CYRIB: variants seen among roughly 807,000 people sequenced by gnomAD.
The protein encoded by CYRIB is CYFIP-related Rac1 interactor B.
A neutral mutation model predicts 44.2 loss-of-function variants in CYRIB; 8 were observed. The ratio of observed to expected loss-of-function variants is 0.18; its 90% confidence interval spans 0.11 to 0.33. The LOEUF (loss-of-function observed/expected upper bound fraction) is 0.33. Among genes scored for constraint, CYRIB ranks in the 10% least tolerant of loss-of-function variants. CYRIB has a pLI of 1.00. For missense variants in CYRIB, 185 were observed against 382.8 expected, an observed-to-expected ratio of 0.48 and a Z score of 4.31; for synonymous variants, 131 against 127.2, an observed-to-expected ratio of 1.03 and a Z score of -0.20.
intron 1 of CYRIB, among the ~76,000 whole-genome samples, chr8:130,001,833 T>C (rs575123342): frequency 9.3e-4 from 141 of 152,300 alleles, no homozygotes; most frequent in African/African-American, 3.2e-3. Flanking sequence ...TGGATGTCTC[T>C]AGATTCCTTA....
exon 6 of CYRIB, chr8:129,855,733 C>T: frequency 6.2e-7 from 1 of 1,604,242 alleles, no homozygotes; most frequent in South Asian, 1.1e-5. Flanking sequence ...CCCAGAAGAC[C>T]TCTTAATGCT....
chr8:129,962,993 G>A (rs1001667578), intron 2 of CYRIB, among the ~76,000 whole-genome samples: 1 of 152,106 alleles, frequency 6.6e-6, no homozygotes, highest in African/African-American at 2.4e-5. Context: ...TCAGAGCGTC[G>A]CATTTGCCTG....
chr8:129,863,524 TA>T lies in CYRIB; in HGVS notation c.196-1191del, dbSNP rs768283158. On this transcript the variant is annotated intron_variant, in intron 4 of 11. Coordinates refer to ENST00000519824, the Ensembl canonical transcript of CYRIB. Reference sequence around the variant, plus strand: ...TGGGTGATAGAGCGAGACTCTGTCTTAAAAAAAAAAAAAAGAAAATACAAAA... The same window carrying T: ...TGGGTGATAGAGCGAGACTCTGTCTTAAAAAAAAAAAAAGAAAATACAAAA... Among the ~76,000 whole-genome samples, 628 of 137,550 alleles carry T rather than the reference TA, an allele frequency of 4.6e-3. 2 individuals carry two copies. Among genetic ancestry groups the T allele is most frequent in the African/African-American group, 7.9e-3 (299 of 37,656 alleles). 90.2% of individuals were successfully genotyped at this position (137,550 alleles called of 152,430 possible). A position where few individuals can be genotyped will look rare whatever the true frequency, so the allele number is the denominator to read the frequency against.
chr8:129,898,239 C>T lies in CYRIB; in HGVS notation c.-11+5073G>A, dbSNP rs149792853. On this transcript the variant is annotated intron_variant, in intron 2 of 11. Transcript: ENST00000519824. ...CAGAGGGCTTTGCATGACGTTAGTG[C>T]TAATGTTAAGTTAATAAATGAACGT... Among the ~76,000 whole-genome samples, 343 of 152,002 alleles carry T rather than the reference C, an allele frequency of 2.3e-3. 8 individuals carry two copies. Among genetic ancestry groups the T allele is most frequent in the Admixed American group, 0.021 (321 of 15,254 alleles).
At chr8:130,010,404 G>C (rs2097190506) in intron 1 of CYRIB, among the ~76,000 whole-genome samples, 1 of 152,198 alleles carries the variant, frequency 6.6e-6, no homozygotes, top group Non-Finnish European at 1.5e-5. Flanking sequence ...TGTGCCTCTT[G>C]GTCAAGATGC....
chr8:129,896,542 A>T (rs142119206), intron 2 of CYRIB: 1 of 152,206 alleles, frequency 6.6e-6, no homozygotes. Context: ...TGAGAGTTCA[A>T]ATCCTTAAAA....
At chr8:129,857,790 C>CT (rs1473687556) in intron 5 of CYRIB, among the ~76,000 whole-genome samples, 1 of 152,100 alleles carries the variant, frequency 6.6e-6, no homozygotes, top group Non-Finnish European at 1.5e-5. Flanking sequence ...AACTGGAAAA[C>CT]TAAGTAAGAG....
chr8:129,930,365 TTATATA>T (rs1554659983), intron 1 of CYRIB, among the ~76,000 whole-genome samples: 1 of 50,418 alleles, frequency 2.0e-5, no homozygotes, highest in East Asian at 5.1e-4. Context: ...TGTGAAGTGC[TTATATA>T]TATATATATT....
chr8:129,895,300 T>C, intron 2 of CYRIB, among the ~76,000 whole-genome samples: 1 of 151,316 alleles, frequency 6.6e-6, no homozygotes, highest in Non-Finnish European at 1.5e-5. Context: ...CCATCATACC[T>C]GGCAGCTTTA....
At chr8:129,987,497 G>C (rs2096496873) in intron 1 of CYRIB, among the ~76,000 whole-genome samples, 1 of 151,406 alleles carries the variant, frequency 6.6e-6, no homozygotes, top group Non-Finnish European at 1.5e-5. Context: ...CTCTCATTGT[G>C]GGCCCCGGAC....
intron 1 of CYRIB, among the ~76,000 whole-genome samples, chr8:129,914,626 C>T (rs562679008): frequency 6.6e-6 from 1 of 152,250 alleles, no homozygotes; most frequent in Admixed American, 6.5e-5. Context: ...ATAAATAAAA[C>T]ACTTTAGTTT....
intron 4 of CYRIB, among the ~76,000 whole-genome samples, chr8:129,868,967 G>C (rs1030823776): frequency 2.0e-4 from 30 of 148,896 alleles, no homozygotes; most frequent in African/African-American, 5.7e-4. Context: ...GGAGGCTGAG[G>C]CGGGAGGACT....
chr8:129,864,837 AT>A, intron 4 of CYRIB: 1 of 434,580 alleles, frequency 2.3e-6, no homozygotes, highest in East Asian at 7.0e-5. Context: ...CCACGTACAC[AT>A]TTTTGAGGTT....
At chr8:129,976,240 C>G (rs1474658372) in intron 1 of CYRIB, among the ~76,000 whole-genome samples, 3 of 151,960 alleles carry the variant, frequency 2.0e-5, no homozygotes, top group South Asian at 4.1e-4. Flanking sequence ...TAATCCTGTT[C>G]AATTACAAGA....
intron 4 of CYRIB, among the ~76,000 whole-genome samples, chr8:129,869,406 C>CAAAAAAAAAAAAAAAAAAAAAAAAAA (rs1180474047): frequency 7.8e-6 from 1 of 128,416 alleles, no homozygotes; most frequent in Non-Finnish European, 1.7e-5. Context: ...AAAAAAAAAT[C>CAAAAAAAAAAAAAAAAAAAAAAAAAA]AAACAGGTAA....
At chr8:129,862,445 A>G (rs1587709455) in intron 4 of CYRIB, 111 bp from the exon 7 acceptor site, 2 of 818,906 alleles carry the variant, frequency 2.4e-6, no homozygotes, top group East Asian at 5.3e-5. Flanking sequence ...TAATCCATAA[A>G]ATATAGAATA....
At chr8:129,868,285 T>TTCAACTGCTTCAATAGTTAC (rs2054963537) in intron 4 of CYRIB, among the ~76,000 whole-genome samples, 1 of 152,216 alleles carries the variant, frequency 6.6e-6, no homozygotes, top group Non-Finnish European at 1.5e-5. Flanking sequence ...AGTTACATAT[T>TTCAACTGCTTCAATAGTTAC]TGTCCCCGAT....
chr8:129,887,434 C>T (rs942742788), intron 2 of CYRIB, among the ~76,000 whole-genome samples: 2 of 152,176 alleles, frequency 1.3e-5, no homozygotes, highest in Non-Finnish European at 2.9e-5. Flanking sequence ...GGGGCAGAGC[C>T]CTCATGGAGA....
chr8:129,903,805 G>T (rs1474678373), intron 1 of CYRIB, among the ~76,000 whole-genome samples: 1 of 152,114 alleles, frequency 6.6e-6, no homozygotes, highest in Non-Finnish European at 1.5e-5. Flanking sequence ...TTTACTCAAG[G>T]TATTAAAATC....
Sources: gnomAD v4.1 joint callset for allele counts (sites outside exome capture counted in the v4.1 genomes callset) on GRCh38, gnomAD v4.1.1 for gene constraint, MANE v1.5 for transcripts, NCBI Gene and HGNC (gene_info 2026-07-23, HGNC 2026-07-21) for gene names.